EPS15: variants seen among roughly 807,000 people sequenced by gnomAD.
EPS15 encodes epidermal growth factor receptor substrate 15.
In EPS15, 72 loss-of-function variants were observed where a neutral mutation model predicts 113.8. The observed-to-expected ratio is 0.63, with a 90% CI of 0.52 to 0.77. The LOEUF is 0.77. Ranked by LOEUF, EPS15 falls within the 30% of genes least tolerant of loss-of-function variation. The pLI is 0.00. For missense variants in EPS15, 1,048 were observed against 1,045.8 expected, an observed-to-expected ratio of 1.00 and a Z score of -0.03; for synonymous variants, 344 against 363.4, an observed-to-expected ratio of 0.95 and a Z score of 0.61.
intron 1 of EPS15, among the ~76,000 whole-genome samples, chr1:51,492,314 T>C (rs1266059128): frequency 1.3e-5 from 2 of 152,200 alleles, no homozygotes; most frequent in Non-Finnish European, 2.9e-5. Context: ...CATCTCATGT[T>C]TGTTCCATAA....
intron 1 of EPS15, among the ~76,000 whole-genome samples, chr1:51,491,439 T>C (rs533119586): frequency 9.9e-5 from 15 of 152,258 alleles, no homozygotes; most frequent in East Asian, 1.9e-4. Context: ...TACACATAGG[T>C]TTATAGTTTG....
intron 13 of EPS15, among the ~76,000 whole-genome samples, chr1:51,410,794 A>T (rs1190477492): frequency 6.6e-6 from 1 of 152,256 alleles, no homozygotes; most frequent in African/African-American, 2.4e-5. Flanking sequence ...AAGGTCTCTG[A>T]ATTACTGCAT....
In EPS15 at chr1:51,462,870, A is replaced by ATTTTTTTTTTTTTT. The variant is rs34320767; in HGVS notation, c.501+789_501+802dup. 2.0e-4 allele frequency among the ~76,000 whole-genome samples: 22 copies of ATTTTTTTTTTTTTT among 111,068 alleles called. 1 individual carries two copies. The highest frequency in any genetic ancestry group is 4.3e-4 in the African/African-American group (12 of 27,946). The allele number at this position is 111,068 out of a possible 152,430, so 72.9% of individuals were successfully genotyped here. On this transcript the variant is annotated intron_variant, in intron 7 of 24. Coordinates refer to ENST00000371733, the MANE Select transcript of EPS15 (RefSeq NM_001981.3). ...AAAAGAGGAAAAGTAAAAAAGTCAG[A>ATTTTTTTTTTTTTT]TTTTTTTTTTTTTTTTTTTTTTTTT...
chr1:51,416,997 G>GT (rs1295871860), intron 13 of EPS15, among the ~76,000 whole-genome samples: 10 of 151,976 alleles, frequency 6.6e-5, no homozygotes, highest in Admixed American at 6.6e-4. Flanking sequence ...AGATGTTTAA[G>GT]TCAATGAACA....
At chr1:51,422,834 C>T (rs1299928890) in intron 12 of EPS15, among the ~76,000 whole-genome samples, 1 of 152,314 alleles carries the variant, frequency 6.6e-6, no homozygotes, top group East Asian at 1.9e-4. Context: ...AGGTAAAAGG[C>T]GGCAACATGG....
Position 51,361,293 on chromosome 1 carries a change from G to A in EPS15, c.2422C>T (p.Pro808Ser). 2 of 1,613,850 alleles carry A rather than the reference G, an allele frequency of 1.2e-6. No individual in the cohort carries two copies. Among genetic ancestry groups the A allele is most frequent in the Non-Finnish European group, 8.5e-7 (1 of 1,179,774 alleles). Residue 808 changes from proline to serine, a missense_variant, in exon 24 of 25, where the codon CCT becomes TCT. Coordinates refer to ENST00000371733, the MANE Select transcript of EPS15 (RefSeq NM_001981.3). Reference protein sequence around the residue: ...DPFKLNDPFQPFPGNDSPKEK... With the variant: ...DPFKLNDPFQSFPGNDSPKEK... ...TTGGGGCTATCGTTGCCTGGGAAAG[G>A]CTGAAATGGATCATTCAGTTTAAAG... is the stretch of plus-strand genomic sequence containing the variant.
intron 19 of EPS15, among the ~76,000 whole-genome samples, chr1:51,400,037 G>A (rs1648365251): frequency 6.6e-6 from 1 of 151,988 alleles, no homozygotes; most frequent in Admixed American, 6.6e-5. Context: ...CTTATTCTAC[G>A]CTACCGTAAC....
intron 13 of EPS15, 100 bp from the exon 14 acceptor site, chr1:51,409,796 G>A: frequency 1.3e-6 from 1 of 777,198 alleles, no homozygotes; most frequent in Non-Finnish European, 2.1e-6. Flanking sequence ...AAGTCTTACT[G>A]AGTATACTGT....
chr1:51,429,574 T>G (rs577880301), intron 12 of EPS15, among the ~76,000 whole-genome samples: 46 of 151,516 alleles, frequency 3.0e-4, no homozygotes, highest in Non-Finnish European at 5.9e-4. Flanking sequence ...AAAGCTGAAA[T>G]GGTAAATCAG....
chr1:51,389,544 T>A (rs955271137), intron 21 of EPS15, among the ~76,000 whole-genome samples: 1 of 152,228 alleles, frequency 6.6e-6, no homozygotes, highest in Non-Finnish European at 1.5e-5. Flanking sequence ...TGTTTGCAGA[T>A]GACATGATTA....
chr1:51,364,500 A>AT (rs11386357), intron 22 of EPS15, among the ~76,000 whole-genome samples: 33,403 of 146,722 alleles, frequency 0.23, 5,371 homozygotes, highest in African/African-American at 0.46. Context: ...TTGAAAGTCA[A>AT]TTTTTTTTTT....
chr1:51,400,464 G>A (rs1203596542), intron 19 of EPS15, among the ~76,000 whole-genome samples: 1 of 152,082 alleles, frequency 6.6e-6, no homozygotes, highest in African/African-American at 2.4e-5. Flanking sequence ...GGAGGCTGAG[G>A]CAGGAGGACT....
chr1:51,486,689 CTTT>C (rs1448359664), intron 1 of EPS15, among the ~76,000 whole-genome samples: 1 of 151,090 alleles, frequency 6.6e-6, no homozygotes, highest in African/African-American at 2.4e-5. Flanking sequence ...TCTTTTTTTT[CTTT>C]TTTGAGACAG....
At chr1:51,505,740 C>CA (rs530930516) in intron 1 of EPS15, among the ~76,000 whole-genome samples, 3 of 151,536 alleles carry the variant, frequency 2.0e-5, no homozygotes, top group Non-Finnish European at 4.4e-5. Flanking sequence ...CATAAAGCTA[C>CA]AAAAAAAGTC....
intron 5 of EPS15, among the ~76,000 whole-genome samples, chr1:51,467,460 C>CATAAGCAAAG (rs1654924692): frequency 6.6e-6 from 1 of 152,110 alleles, no homozygotes; most frequent in Admixed American, 6.5e-5. Flanking sequence ...TTATCATAAA[C>CATAAGCAAAG]ATAAGCAAAG....
chr1:51,372,598 AAG>A, intron 21 of EPS15: 2 of 516,614 alleles, frequency 3.9e-6, no homozygotes, highest in East Asian at 1.1e-4. Context: ...AACTCAAGAA[AAG>A]ACACTAACCT....
intron 21 of EPS15, among the ~76,000 whole-genome samples, chr1:51,375,848 A>T (rs1166429349): frequency 2.0e-5 from 3 of 152,248 alleles, no homozygotes; most frequent in Non-Finnish European, 4.4e-5. Context: ...ATAAATACAT[A>T]AATAGGGCAA....
chr1:51,366,839 A>G (rs1646518398), intron 21 of EPS15, among the ~76,000 whole-genome samples: 1 of 152,152 alleles, frequency 6.6e-6, no homozygotes, highest in Admixed American at 6.5e-5. Flanking sequence ...CTGCGGCACT[A>G]ATGGCATTCT....
intron 10 of EPS15, among the ~76,000 whole-genome samples, chr1:51,445,493 TAGG>T (rs2148480255): frequency 6.6e-6 from 1 of 152,086 alleles, no homozygotes; most frequent in East Asian, 1.9e-4. Context: ...ACTCTTGGAG[TAGG>T]AGGATACAAG....
Sources: allele counts gnomAD v4.1 joint callset (sites outside exome capture counted in the v4.1 genomes callset), GRCh38; gene constraint gnomAD v4.1.1; transcripts MANE v1.5; gene names NCBI Gene and HGNC (gene_info 2026-07-23, HGNC 2026-07-21).